Variants in PAQR5 observed in about 807,000 individuals in gnomAD.
PAQR5 encodes membrane progestin receptor gamma.
A neutral mutation model predicts 34.5 loss-of-function variants in PAQR5; 20 were observed. The ratio of observed to expected loss-of-function variants is 0.58; its 90% confidence interval spans 0.41 to 0.84. PAQR5 has a LOEUF of 0.84. Among genes scored for constraint, PAQR5 ranks in the 40% least tolerant of loss-of-function variants. PAQR5 has a pLI of 0.00. For missense variants in PAQR5, 378 were observed against 412.7 expected, an observed-to-expected ratio of 0.92 and a Z score of 0.73; for synonymous variants, 131 against 155.6, an observed-to-expected ratio of 0.84 and a Z score of 1.18.
chr15:69,318,869 G>A (rs554417124), intron 1 of PAQR5, among the ~76,000 whole-genome samples: 4 of 151,852 alleles, frequency 2.6e-5, no homozygotes, highest in Non-Finnish European at 4.4e-5. Context: ...AGTGGCTCAC[G>A]CCTGTAATCC....
intron 5 of PAQR5, among the ~76,000 whole-genome samples, chr15:69,389,310 G>A (rs2056193102): frequency 2.0e-5 from 3 of 152,230 alleles, no homozygotes; most frequent in African/African-American, 7.2e-5. Flanking sequence ...TCTAGCTGCA[G>A]GACCCTGGGC....
chr15:69,364,952 G>A (rs948512657), intron 3 of PAQR5, among the ~76,000 whole-genome samples: 1 of 152,104 alleles, frequency 6.6e-6, no homozygotes, highest in African/African-American at 2.4e-5. Context: ...TGGCCAGGCT[G>A]GTCTTGAACC....
At chr15:69,335,174 A>C (rs1354064237) in intron 1 of PAQR5, among the ~76,000 whole-genome samples, 1 of 151,860 alleles carries the variant, frequency 6.6e-6, no homozygotes, top group Non-Finnish European at 1.5e-5. Context: ...TAGTGAGTCA[A>C]GATTGTGCTC....
chr15:69,328,741 C>T (rs745677757), intron 1 of PAQR5, among the ~76,000 whole-genome samples: 1 of 152,228 alleles, frequency 6.6e-6, no homozygotes, highest in African/African-American at 2.4e-5. Flanking sequence ...TTGCCTTTCC[C>T]TCTGTCACCC....
chr15:69,396,984 G>T (rs953354190), intron 6 of PAQR5: 8 of 356,740 alleles, frequency 2.2e-5, no homozygotes, highest in South Asian at 6.3e-5. Flanking sequence ...CTCTCCAAGG[G>T]TCAAACACCT....
chr15:69,384,934 C>A, intron 5 of PAQR5, 52 bp downstream of exon 5: 2 of 1,411,034 alleles, frequency 1.4e-6, no homozygotes, highest in Non-Finnish European at 9.9e-7. Flanking sequence ...GGCTGTTTGC[C>A]CCTTCTCCTG....
intron 3 of PAQR5, among the ~76,000 whole-genome samples, chr15:69,375,810 C>T (rs1299493970): frequency 2.6e-5 from 4 of 152,250 alleles, no homozygotes; most frequent in East Asian, 1.9e-4. Flanking sequence ...ATGTGAATAG[C>T]GCCTGAGGTC....
At chr15:69,312,615 C>A (rs1213050895) in intron 1 of PAQR5, among the ~76,000 whole-genome samples, 2 of 151,470 alleles carry the variant, frequency 1.3e-5, no homozygotes, top group Admixed American at 6.6e-5. Context: ...CCCATGAAAA[C>A]CCCCCTTCTC....
chr15:69,325,718 A>C (rs144294392), intron 1 of PAQR5, among the ~76,000 whole-genome samples: 39 of 152,256 alleles, frequency 2.6e-4, no homozygotes, highest in African/African-American at 8.7e-4. Flanking sequence ...CAGCCTACCA[A>C]GTTCGCTGCC....
rs759085053 is a variant in PAQR5 at position 69,337,337 on chromosome 15, A to G, written c.-276-4A>G. On this transcript the variant is annotated splice_region_variant and splice_polypyrimidine_tract_variant and intron_variant, in intron 1 of 8. Coordinates refer to ENST00000395407, the MANE Select transcript of PAQR5 (RefSeq NM_017705.4). ...CAATAAGAATCTGTTTTCTTTTGTC[A>G]CAGGACACCATTGGAGAAACTGGGC... 6.6e-6 allele frequency: 1 copy of G among 152,358 alleles called. No individual in the cohort carries two copies. Among genetic ancestry groups the G allele is most frequent in the Middle Eastern group, 3.4e-3 (1 of 294 alleles). The allele number at this position is 152,358 out of a possible 1,614,324, so 9.4% of individuals were successfully genotyped here.
intron 1 of PAQR5, among the ~76,000 whole-genome samples, chr15:69,327,381 GC>G (rs773245490): frequency 1.2e-4 from 18 of 151,982 alleles, no homozygotes; most frequent in Admixed American, 5.9e-4. Flanking sequence ...TCTCATTGTA[GC>G]TACCCCACAG....
Position 69,390,348 on chromosome 15 carries a change from A to ATTTTTTTT in PAQR5, c.512+571_512+572insTTTTTTTT, listed in dbSNP as rs67519047. On this transcript the variant is annotated intron_variant, in intron 6 of 8. Coordinates refer to ENST00000395407, the MANE Select transcript of PAQR5 (RefSeq NM_017705.4). ...TATTTATTTATTTATTTATTTATTT[A>ATTTTTTTT]TTTATTTATTTATTTTTTTGAGACA... Among the ~76,000 whole-genome samples the ATTTTTTTT allele has an allele frequency of 1.7e-3, 215 of 124,834 alleles. 7 individuals carry two copies. The highest frequency in any genetic ancestry group is 2.9e-3 in the Non-Finnish European group (165 of 57,030). The allele number at this position is 124,834 out of a possible 152,430, so 81.9% of individuals were successfully genotyped here. A position where few individuals can be genotyped will look rare whatever the true frequency, so the allele number is the denominator to read the frequency against.
chr15:69,305,593 G>T (rs72756346), intron 1 of PAQR5, among the ~76,000 whole-genome samples: 36,221 of 151,740 alleles, frequency 0.24, 5,020 homozygotes, highest in East Asian at 0.36. Context: ...CCAGTGCGGG[G>T]CAGCGTGGTG....
chr15:69,348,491 A>G lies in PAQR5; in HGVS notation c.-116+10990A>G, dbSNP rs1052096989. ...GATGGCTGAGGTGAGGGTGAATGAG[A>G]TGAGACAGGCAGGCGAGGTGACCAG... On this transcript the variant is annotated intron_variant, in intron 2 of 8. Transcript: ENST00000395407. Among the ~76,000 whole-genome samples, 9 of 152,286 alleles carry G rather than the reference A, an allele frequency of 5.9e-5. No individual in the cohort carries two copies. In the South Asian group the frequency reaches 8.3e-4, roughly 14 times the overall value.
chr15:69,340,886 T>C (rs1440148583), intron 2 of PAQR5, among the ~76,000 whole-genome samples: 2 of 152,208 alleles, frequency 1.3e-5, no homozygotes, highest in African/African-American at 4.8e-5. Context: ...AGGATGTGTA[T>C]AATATGTATT....
chr15:69,328,827 C>T (rs1342431605), intron 1 of PAQR5, among the ~76,000 whole-genome samples: 3 of 152,216 alleles, frequency 2.0e-5, no homozygotes, highest in Non-Finnish European at 2.9e-5. Flanking sequence ...GCGGACTTTA[C>T]CCAAGTCAGA....
In PAQR5 at chr15:69,371,626, C is replaced by T. The variant is rs865947554; in HGVS notation, c.52-8257C>T. ...GAAGTTAATTTCAGGATGATTTGTA[C>T]GTGAATCTTCTCTTCACAGTCCAGA... On this transcript the variant is annotated intron_variant, in intron 3 of 8. Coordinates refer to ENST00000395407, the MANE Select transcript of PAQR5 (RefSeq NM_017705.4). Among the ~76,000 whole-genome samples the T allele has an allele frequency of 2.0e-4, 31 of 152,230 alleles. 2 individuals carry two copies. In the South Asian group the frequency reaches 2.9e-3, roughly 14 times the overall value.
At chr15:69,345,922 C>A (rs1220646219) in intron 2 of PAQR5, among the ~76,000 whole-genome samples, 3 of 152,106 alleles carry the variant, frequency 2.0e-5, no homozygotes, top group African/African-American at 7.2e-5. Flanking sequence ...GAAGCCTGGG[C>A]AACATAGACC....
intron 1 of PAQR5, among the ~76,000 whole-genome samples, chr15:69,309,098 T>A (rs1259564039): frequency 6.6e-6 from 1 of 151,914 alleles, no homozygotes; most frequent in Non-Finnish European, 1.5e-5. Context: ...TGGTTGGAGC[T>A]ACACAGTTGG....
Sources: allele counts gnomAD v4.1 joint callset (sites outside exome capture counted in the v4.1 genomes callset), GRCh38; gene constraint gnomAD v4.1.1; transcripts MANE v1.5; gene names NCBI Gene and HGNC (gene_info 2026-07-23, HGNC 2026-07-21).